APBB1: variants seen among roughly 807,000 people sequenced by gnomAD.
APBB1 encodes the protein adaptor protein FE65a2.
APBB1 carries 22 observed loss-of-function variants against 78.4 expected under a neutral mutation model. The observed-to-expected ratio is 0.28, with a 90% confidence interval of 0.20 to 0.40. The LOEUF is 0.40. Among genes scored for constraint, APBB1 ranks in the 10% least tolerant of loss-of-function variants. The probability of loss-of-function intolerance (pLI) is 1.00; values close to 1 mark genes in which losing one functional copy is unlikely to be tolerated. For synonymous variants in APBB1, 369 were observed against 372.7 expected (o/e 0.99, Z 0.12); for missense variants, 749 against 932.4 (o/e 0.80, Z 2.56).
At chr11:6,402,258 G>A (rs1412782340) in intron 7 of APBB1, 49 bp from the exon 8 acceptor site, 1 of 1,604,058 alleles carries the variant, frequency 6.2e-7, no homozygotes, top group Non-Finnish European at 8.5e-7. Context: ...CAGGATGGTG[G>A]CTGATCTCTG....
At chr11:6,416,833 C>T (rs1262663516) in intron 1 of APBB1, among the ~76,000 whole-genome samples, 2 of 152,098 alleles carry the variant, frequency 1.3e-5, no homozygotes, top group Non-Finnish European at 2.9e-5. Context: ...CCTCTGCCTC[C>T]CGGGTTCAAG....
At chr11:6,399,228 T>C (rs893957991) in intron 12 of APBB1, among the ~76,000 whole-genome samples, 1 of 152,144 alleles carries the variant, frequency 6.6e-6, no homozygotes, top group African/African-American at 2.4e-5. Context: ...TACAACCCAA[T>C]AATGCCAAAA....
At position 6,411,486 on chromosome 11, in the gene APBB1, G is replaced by T; in HGVS notation, c.-14-125C>A. The T allele has an allele frequency of 1.3e-6, 1 of 794,224 alleles. No individual in the cohort carries two copies. Among genetic ancestry groups the T allele is most frequent in the Non-Finnish European group, 1.9e-6 (1 of 518,196 alleles). 49.2% of individuals were successfully genotyped at this position (794,224 alleles called of 1,614,324 possible). ...TGCACTAAGCAGGCTAGCACCCATG[G>T]CTCTCTATCCTATGAGAATGACTGG... On this transcript the variant is annotated intron_variant, in intron 1 of 14. Coordinates refer to ENST00000609360, the MANE Select transcript of APBB1 (RefSeq NM_001164.5). The surrounding 1 kb of genome is among the most constrained non-coding windows in gnomAD (Gnocchi z 5.2).
rs1848967326 is a variant in APBB1 at position 6,411,641 on chromosome 11, C to T, written c.-14-280G>A. Among the ~76,000 whole-genome samples the T allele has an allele frequency of 6.6e-6, 1 of 152,150 alleles. No homozygotes were observed. The highest frequency in any genetic ancestry group is 1.5e-5 in the Non-Finnish European group (1 of 68,012). ...AGCTGGCGCCTGCCCTCGGTCCCAC[C>T]AGCAAGGCCTCCACACAATGGCTCT... On this transcript the variant is annotated intron_variant, in intron 1 of 14. Coordinates refer to ENST00000609360, the MANE Select transcript of APBB1 (RefSeq NM_001164.5). The surrounding 1 kb of genome is among the most constrained non-coding windows in gnomAD (Gnocchi z 5.2).
rs548537871 is a variant in APBB1, at chr11:6,407,935, G to A, written c.721+2692C>T. On this transcript the variant is annotated intron_variant, in intron 2 of 14. Transcript: ENST00000609360. ...GCTGGGACTACAGGCGCCCGCCACC[G>A]CGCCCGGCTAATTTTTTGTATTTTT... Among the ~76,000 whole-genome samples the A allele has an allele frequency of 2.2e-3, 328 of 151,718 alleles. 2 individuals carry two copies. Among genetic ancestry groups the A allele is most frequent in the Non-Finnish European group, 3.4e-3 (228 of 67,886 alleles).
chr11:6,406,304 G>A (rs924614029), intron 2 of APBB1, among the ~76,000 whole-genome samples: 3 of 152,046 alleles, frequency 2.0e-5, no homozygotes, highest in African/African-American at 7.2e-5. Context: ...GGTGAAGCCA[G>A]GTGTACTCAC....
chr11:6,404,621 A>C (rs1369397284), intron 2 of APBB1: 1 of 1,536,212 alleles, frequency 6.5e-7, no homozygotes, highest in Non-Finnish European at 8.7e-7. Context: ...CATCTGTGTC[A>C]TACACCCTTG....
Position 6,410,859 on chromosome 11 carries a change from A to ATCC in APBB1, c.486_488dup (p.Glu162dup), listed in dbSNP as rs754288385. Reference sequence around the variant, plus strand: ...CCTCCTCCTCCTCTTCATCATCATCATCCTCCTCCTCCTCCTCGGCCTCCC... The same window carrying ATCC: ...CCTCCTCCTCCTCTTCATCATCATCATCCTCCTCCTCCTCCTCCTCGGCCTCCC... On this transcript the variant is annotated inframe_insertion, in exon 2 of 15. Coordinates refer to ENST00000609360, the MANE Select transcript of APBB1 (RefSeq NM_001164.5). 1.1e-5 allele frequency: 17 copies of ATCC among 1,610,764 alleles called. No individual in the cohort carries two copies. The highest frequency in any genetic ancestry group is 3.3e-4 in the Middle Eastern group (2 of 6,032).
At chr11:6,396,729 CT>C (rs538902760) in intron 12 of APBB1, among the ~76,000 whole-genome samples, 211 of 152,302 alleles carry the variant, frequency 1.4e-3, no homozygotes, top group African/African-American at 5.0e-3. Flanking sequence ...CAATAGATTA[CT>C]TTATTTCCAT....
intron 2 of APBB1, among the ~76,000 whole-genome samples, chr11:6,409,883 G>A (rs1367809762): frequency 6.6e-6 from 1 of 152,000 alleles, no homozygotes; most frequent in Non-Finnish European, 1.5e-5. Flanking sequence ...CTACCCAAAG[G>A]GTTTTCTTTT....
chr11:6,414,518 G>T (rs547746513), intron 1 of APBB1, among the ~76,000 whole-genome samples: 2 of 152,320 alleles, frequency 1.3e-5, no homozygotes, highest in African/African-American at 4.8e-5. Context: ...ACAGACACAG[G>T]GGGTGGGAGG....
rs114521612 is a variant in APBB1, at chr11:6,410,754, G to T, written c.594C>A (p.Gly198=). The T allele has an allele frequency of 3.0e-5, 47 of 1,584,228 alleles. No homozygotes were observed. The African/African-American group carries it at 5.7e-4, about 19-fold the overall frequency. ...TGGCACTCTTGCTGTGTTCCCGGGG[G>T]CCATCTGTAAGGGCTTGGGGCCTGG... ...APPRPQALTD[G]PREHSKSASL... is the part of the protein sequence containing the mutation. Residue 198 remains glycine (G), a synonymous_variant, in exon 2 of 15, where the codon GGC becomes GGA. Transcript: ENST00000609360.
chr11:6,403,901 AC>A lies in APBB1; in HGVS notation c.722-80del. 1 of 1,453,352 alleles carries A rather than the reference AC, an allele frequency of 6.9e-7. No individual in the cohort carries two copies. Among genetic ancestry groups the A allele is most frequent in the Non-Finnish European group, 9.2e-7 (1 of 1,082,928 alleles). The allele number at this position is 1,453,352 out of a possible 1,614,324, so 90.0% of individuals were successfully genotyped here. On this transcript the variant is annotated intron_variant, in intron 2 of 14. Coordinates refer to ENST00000609360, the MANE Select transcript of APBB1 (RefSeq NM_001164.5). The surrounding 1 kb of genome is among the most constrained non-coding windows in gnomAD (Gnocchi z 5.3). ...GTGCCTATGCCCGGTCCCCTCTGAG[AC>A]CCCATGGTTGAGAAGGGGTGGTGGA...
At chr11:6,408,580 C>T (rs1437230779) in intron 2 of APBB1, among the ~76,000 whole-genome samples, 4 of 151,886 alleles carry the variant, frequency 2.6e-5, no homozygotes, top group African/African-American at 7.2e-5. Flanking sequence ...TCTCAGCTCA[C>T]CACAACCTCT....
intron 2 of APBB1, chr11:6,404,697 C>T (rs928495949): frequency 1.3e-6 from 2 of 1,535,940 alleles, no homozygotes; most frequent in Admixed American, 3.9e-5. Context: ...CTCTTCTCTC[C>T]CTGTCAGCCC....
intron 2 of APBB1, chr11:6,405,631 C>T: frequency 2.0e-6 from 2 of 985,928 alleles, no homozygotes; most frequent in Non-Finnish European, 1.2e-6. Context: ...GTTATTCAGG[C>T]AGGGTGCTTC....
chr11:6,403,009 C>T lies in APBB1; in HGVS notation c.1104+136G>A. 1.1e-6 allele frequency: 1 copy of T among 914,904 alleles called. No individual in the cohort carries two copies. The highest frequency in any genetic ancestry group is 1.7e-5 in the South Asian group (1 of 59,326). 56.7% of individuals were successfully genotyped at this position (914,904 alleles called of 1,614,324 possible). A position where few individuals can be genotyped will look rare whatever the true frequency, so the allele number is the denominator to read the frequency against. On this transcript the variant is annotated intron_variant, in intron 6 of 14. Transcript: ENST00000609360. This position sits in a 1 kb window ranked among gnomAD's most constrained non-coding sequence, Gnocchi z 5.3. Reference sequence around the variant, plus strand: ...AAGTGCCTCCAGCTCAGACACAGGGCTCTGTGCTGAGACTGGAAGAACTCC... The same window carrying T: ...AAGTGCCTCCAGCTCAGACACAGGGTTCTGTGCTGAGACTGGAAGAACTCC...
intron 1 of APBB1, among the ~76,000 whole-genome samples, chr11:6,413,264 C>G (rs58362853): frequency 6.6e-6 from 1 of 152,036 alleles, no homozygotes. Flanking sequence ...TTGCCCTACC[C>G]GACCCTTCCC....
chr11:6,401,119 C>T lies in APBB1; in HGVS notation c.1589-47G>A. ...TGATCATGGTGGCAGACCTTGCTCA[C>T]CCGCAGCCCCACCAGCAGGGCATAA... On this transcript the variant is annotated intron_variant, in intron 11 of 14. Transcript: ENST00000609360. The surrounding 1 kb of genome is among the most constrained non-coding windows in gnomAD (Gnocchi z 4.5). 6.2e-7 allele frequency: 1 copy of T among 1,614,120 alleles called. No homozygotes were observed. Among genetic ancestry groups the T allele is most frequent in the Non-Finnish European group, 8.5e-7 (1 of 1,180,020 alleles).
Sources: allele counts gnomAD v4.1 joint callset (sites outside exome capture counted in the v4.1 genomes callset), GRCh38; gene constraint gnomAD v4.1.1; non-coding constraint Gnocchi (gnomAD v3.1); transcripts MANE v1.5; gene names NCBI Gene and HGNC (gene_info 2026-07-23, HGNC 2026-07-21).